Variants in NFATC2 observed in about 807,000 individuals in gnomAD.
The protein encoded by NFATC2 is nuclear factor of activated T-cells, cytoplasmic 2.
In NFATC2, 22 loss-of-function variants were observed where a neutral mutation model predicts 87.3. The ratio of observed to expected loss-of-function variants is 0.25; its 90% CI spans 0.18 to 0.36. NFATC2 has a LOEUF of 0.36. Ranked by LOEUF, NFATC2 falls within the 10% of genes least tolerant of loss-of-function variation. The pLI is 1.00. For missense variants in NFATC2, 1,149 were observed against 1,259.1 expected (o/e 0.91, Z 1.32); for synonymous variants, 565 against 542.2 (o/e 1.04, Z -0.58).
chr20:51,540,128 G>A (rs777048342), intron 1 of NFATC2, among the ~76,000 whole-genome samples: 15 of 152,220 alleles, frequency 9.9e-5, no homozygotes, highest in Middle Eastern at 3.4e-3. Context: ...ATTCTCCTGC[G>A]TCATCCTCCT....
intron 9 of NFATC2, among the ~76,000 whole-genome samples, chr20:51,422,005 C>T (rs951292087): frequency 1.3e-5 from 2 of 152,306 alleles, no homozygotes; most frequent in South Asian, 2.1e-4. Context: ...ATTTCAAAGG[C>T]GTCCTCCACG....
chr20:51,404,206 G>A (rs1397627993), intron 9 of NFATC2, among the ~76,000 whole-genome samples: 1 of 152,164 alleles, frequency 6.6e-6, no homozygotes, highest in African/African-American at 2.4e-5. Flanking sequence ...CAGCTGTCCT[G>A]GCGAGGGGCT....
At chr20:51,400,094 A>T (rs1038949615) in intron 9 of NFATC2, among the ~76,000 whole-genome samples, 3 of 150,882 alleles carry the variant, frequency 2.0e-5, no homozygotes, top group Non-Finnish European at 4.4e-5. Context: ...CCCACATCCC[A>T]CCCACCCATA....
intron 5 of NFATC2, among the ~76,000 whole-genome samples, chr20:51,465,644 C>T (rs1471320423): frequency 2.6e-5 from 4 of 152,116 alleles, no homozygotes; most frequent in Admixed American, 2.6e-4. Context: ...GAACAAGCTC[C>T]ATCCTCACAG....
chr20:51,523,960 G>C lies in NFATC2; in HGVS notation c.281C>G (p.Pro94Arg), dbSNP rs770409616. 9 of 1,588,730 alleles carry C rather than the reference G, an allele frequency of 5.7e-6. No homozygotes were observed. Among genetic ancestry groups the C allele is most frequent in the Non-Finnish European group, 4.3e-6 (5 of 1,173,142 alleles). Residue 94 changes from proline to arginine, a missense_variant, in exon 2 of 11, where the codon CCG becomes CGG. Physicochemically the swap from Pro to Arg is moderately radical, Grantham distance 103. Transcript: ENST00000371564. The surrounding 1 kb of genome is among the most constrained non-coding windows in gnomAD (Gnocchi z 6.9). ...GRFGEPDRVG[P>R]QKFLSAAKPA... is the part of the protein sequence containing the mutation. ...CTTGGCCGCGCTCAGAAACTTCTGC[G>C]GCCCTACCCTATCCGGCTCTCCGAA...
chr20:51,432,754 G>T lies in NFATC2; in HGVS notation c.2035C>A (p.Pro679Thr). ...TCCGTGGGCTCCGTCTTGATGGCTG[G>T]GACTGGGAGGAGAAAAGAGCACATA... The part of the protein sequence containing the change: ...QPQHFTYHPV[P>T]AIKTEPTDEY... The change falls in exon 9 of 11, where the codon CCA becomes ACA. Residue 679 changes from proline to threonine, a missense_variant and splice_region_variant. Coordinates refer to ENST00000371564, the MANE Select transcript of NFATC2 (RefSeq NM_012340.5). This position sits in a 1 kb window ranked among gnomAD's most constrained non-coding sequence, Gnocchi z 4.6. The T allele has an allele frequency of 6.4e-7, 1 of 1,567,854 alleles. No homozygotes were observed. Among genetic ancestry groups the T allele is most frequent in the Non-Finnish European group, 8.6e-7 (1 of 1,166,224 alleles).
rs561455347 is a variant in NFATC2 at position 51,418,864 on chromosome 20, T to A, written c.2722+13203A>T. Among the ~76,000 whole-genome samples the A allele has an allele frequency of 3.1e-3, 479 of 152,082 alleles. 4 individuals are homozygous for A. The highest frequency in any genetic ancestry group is 0.01 in the African/African-American group (430 of 41,478). Reference sequence around the variant, plus strand: ...TTTAAGTACAAATGGGGTTTCACCATGTTGGGCCAGACTGGTCTTGAACTA... The same window carrying A: ...TTTAAGTACAAATGGGGTTTCACCAAGTTGGGCCAGACTGGTCTTGAACTA... On this transcript the variant is annotated intron_variant, in intron 9 of 10. Transcript: ENST00000371564.
intron 3 of NFATC2, among the ~76,000 whole-genome samples, chr20:51,484,445 C>A (rs1174307686): frequency 1.3e-5 from 2 of 152,240 alleles, no homozygotes; most frequent in Non-Finnish European, 2.9e-5. Flanking sequence ...TGCCTCCCCA[C>A]TAGAATGTCA....
chr20:51,390,180 C>A lies in NFATC2; in HGVS notation c.*1316G>T. On this transcript the variant is annotated 3_prime_UTR_variant, in exon 11 of 11. Coordinates refer to ENST00000371564, the MANE Select transcript of NFATC2 (RefSeq NM_012340.5). ...TAGAGCTCATTCAAAGTAAAGGATG[C>A]ATTCGAGTAGATTTCTTCATGTTAG... is the stretch of plus-strand genomic sequence containing the variant. 6.6e-6 allele frequency: 1 copy of A among 152,146 alleles called. No individual in the cohort carries two copies. The highest frequency in any genetic ancestry group is 1.9e-4 in the East Asian group (1 of 5,194). 9.4% of individuals were successfully genotyped at this position (152,146 alleles called of 1,614,324 possible). A position where few individuals can be genotyped will look rare whatever the true frequency, so the allele number is the denominator to read the frequency against.
intron 9 of NFATC2, among the ~76,000 whole-genome samples, chr20:51,400,457 G>A (rs1987897195): frequency 7.1e-6 from 1 of 140,838 alleles, no homozygotes; most frequent in South Asian, 2.6e-4. Context: ...GGTGCCCAGT[G>A]TTAATATGGG....
At chr20:51,499,751 A>AG (rs1318771427) in intron 3 of NFATC2, among the ~76,000 whole-genome samples, 1 of 151,452 alleles carries the variant, frequency 6.6e-6, no homozygotes. Flanking sequence ...TAAAAAAAAA[A>AG]AAAGAAAGAA....
chr20:51,504,739 C>T (rs2076147955), intron 3 of NFATC2, among the ~76,000 whole-genome samples: 1 of 152,196 alleles, frequency 6.6e-6, no homozygotes, highest in African/African-American at 2.4e-5. Flanking sequence ...CACAGCCTCT[C>T]TGTGTCTCAA....
At chr20:51,531,495 G>A (rs767364397) in intron 1 of NFATC2, among the ~76,000 whole-genome samples, 4 of 152,188 alleles carry the variant, frequency 2.6e-5, no homozygotes, top group Non-Finnish European at 5.9e-5. Flanking sequence ...AGATTGCTGG[G>A]GAGGCCAGTT....
At chr20:51,555,590 T>C (rs1257421474) in intron 1 of NFATC2, among the ~76,000 whole-genome samples, 3 of 144,274 alleles carry the variant, frequency 2.1e-5, no homozygotes, top group Non-Finnish European at 4.7e-5. Context: ...TGAGACTCCA[T>C]CTCAAAAAAA....
At chr20:51,417,892 T>C (rs1019238773) in intron 9 of NFATC2, among the ~76,000 whole-genome samples, 4 of 152,246 alleles carry the variant, frequency 2.6e-5, no homozygotes, top group African/African-American at 7.2e-5. Flanking sequence ...GCCTGCCAGC[T>C]GAATGCTAAA....
chr20:51,522,465 C>A (rs1600940143), intron 2 of NFATC2, among the ~76,000 whole-genome samples: 1 of 152,116 alleles, frequency 6.6e-6, no homozygotes, highest in Admixed American at 6.6e-5. Flanking sequence ...GTGGCGGAGG[C>A]AGGACTCAAA....
chr20:51,540,646 A>ATTTTTTTTTTTTTTTTT (rs1382525277), intron 1 of NFATC2, among the ~76,000 whole-genome samples: 6 of 58,640 alleles, frequency 1.0e-4, no homozygotes, highest in Non-Finnish European at 1.4e-4. Context: ...CAAAAACTGA[A>ATTTTTTTTTTTTTTTTT]GTTTTTTTTT....
chr20:51,543,024 C>A (rs1248384202), upstream of NFATC2, among the ~76,000 whole-genome samples: 2 of 152,270 alleles, frequency 1.3e-5, no homozygotes, highest in East Asian at 3.9e-4. Context: ...CCCTAAGGGA[C>A]CCACTGGCCC....
rs1285647984 is a variant in NFATC2, at chr20:51,389,773, G to C, written c.*1723C>G. On this transcript the variant is annotated 3_prime_UTR_variant, in exon 11 of 11. Coordinates refer to ENST00000371564, the MANE Select transcript of NFATC2 (RefSeq NM_012340.5). ...CCACTCCCAGGAAGCTTTTACCTCT[G>C]GGTAACCTTGACGGGAGAGCCAGGA... The C allele has an allele frequency of 6.6e-6, 1 of 152,156 alleles. No individual in the cohort carries two copies. The highest frequency in any genetic ancestry group is 1.5e-5 in the Non-Finnish European group (1 of 68,054). The allele number at this position is 152,156 out of a possible 1,614,324, so 9.4% of individuals were successfully genotyped here. A position where few individuals can be genotyped will look rare whatever the true frequency, so the allele number is the denominator to read the frequency against.
Sources: allele counts gnomAD v4.1 joint callset (sites outside exome capture counted in the v4.1 genomes callset), GRCh38; gene constraint gnomAD v4.1.1; non-coding constraint Gnocchi (gnomAD v3.1); transcripts MANE v1.5; gene names NCBI Gene and HGNC (gene_info 2026-07-23, HGNC 2026-07-21).